Variants in DACH1 observed in about 807,000 individuals in gnomAD.
DACH1 encodes dachshund family transcription factor 1, also known as dachshund homolog 1.
In DACH1, 12 loss-of-function variants were observed where a neutral mutation model predicts 54.2. That is an observed-to-expected ratio of 0.22 (90% CI 0.14 to 0.36). The LOEUF (loss-of-function observed/expected upper bound fraction) is 0.36, where lower values mean the gene tolerates loss of function less well. DACH1 is among the 10% of genes least tolerant of loss of function. DACH1 has a pLI of 1.00. For missense variants in DACH1, 805 were observed against 929.8 expected, an observed-to-expected ratio of 0.87 and a Z score of 1.75; for synonymous variants, 386 against 366.2, an observed-to-expected ratio of 1.05 and a Z score of -0.62.
chr13:71,774,379 C>A (rs916972718), intron 1 of DACH1, among the ~76,000 whole-genome samples: 7 of 152,056 alleles, frequency 4.6e-5, no homozygotes, highest in Non-Finnish European at 1.0e-4. Flanking sequence ...ATAGACTGGA[C>A]AACATAACAT....
intron 7 of DACH1, among the ~76,000 whole-genome samples, chr13:71,481,255 A>G (rs566277997): frequency 4.6e-5 from 7 of 152,324 alleles, no homozygotes; most frequent in Non-Finnish European, 5.9e-5. Context: ...GCACCACTTA[A>G]TGTGTTGATT....
chr13:71,700,825 T>G (rs1882100732), intron 1 of DACH1, among the ~76,000 whole-genome samples: 1 of 152,210 alleles, frequency 6.6e-6, no homozygotes, highest in Non-Finnish European at 1.5e-5. Context: ...AGTTGATGTT[T>G]CCAAACTTTC....
intron 1 of DACH1, among the ~76,000 whole-genome samples, chr13:71,825,814 T>C (rs1888355969): frequency 1.3e-5 from 2 of 152,088 alleles, no homozygotes; most frequent in African/African-American, 4.8e-5. Context: ...TGTTTCTGAT[T>C]GACACCTAAA....
chr13:71,734,029 G>A (rs1273936709), intron 1 of DACH1, among the ~76,000 whole-genome samples: 3 of 151,484 alleles, frequency 2.0e-5, no homozygotes, highest in Admixed American at 6.6e-5. Context: ...AGCCTGAGTG[G>A]CAGAGCAACA....
intron 1 of DACH1, among the ~76,000 whole-genome samples, chr13:71,817,658 T>C (rs1045748357): frequency 3.3e-5 from 5 of 152,114 alleles, no homozygotes; most frequent in African/African-American, 1.2e-4. Flanking sequence ...AAGTAAAACA[T>C]CTCATTGAAT....
intron 3 of DACH1, among the ~76,000 whole-genome samples, chr13:71,601,994 A>G (rs1272383991): frequency 6.6e-6 from 1 of 151,996 alleles, no homozygotes; most frequent in Non-Finnish European, 1.5e-5. Flanking sequence ...TAAACATTCA[A>G]TAGTATGCAT....
At chr13:71,750,790 A>C (rs757141302) in intron 1 of DACH1, among the ~76,000 whole-genome samples, 2 of 152,204 alleles carry the variant, frequency 1.3e-5, no homozygotes, top group Non-Finnish European at 2.9e-5. Flanking sequence ...ATAAGAAAAC[A>C]GCAATATGTA....
chr13:71,845,586 G>T (rs1873184218), intron 1 of DACH1, among the ~76,000 whole-genome samples: 1 of 151,986 alleles, frequency 6.6e-6, no homozygotes, highest in South Asian at 2.1e-4. Flanking sequence ...AAACTGGAAA[G>T]AAACTTTATT....
chr13:71,789,290 C>T (rs1886735313), intron 1 of DACH1, among the ~76,000 whole-genome samples: 1 of 152,024 alleles, frequency 6.6e-6, no homozygotes, highest in South Asian at 2.1e-4. Flanking sequence ...ATTAAACTGT[C>T]AATCACAGCT....
intron 1 of DACH1, among the ~76,000 whole-genome samples, chr13:71,847,352 T>C (rs1295850286): frequency 6.6e-6 from 1 of 152,306 alleles, no homozygotes; most frequent in East Asian, 1.9e-4. Context: ...TTCAATAATA[T>C]GCAAACAAAA....
chr13:71,743,065 T>C (rs1347555064), intron 1 of DACH1, among the ~76,000 whole-genome samples: 1 of 152,100 alleles, frequency 6.6e-6, no homozygotes, highest in African/African-American at 2.4e-5. Context: ...ATGATGGACA[T>C]AGTAGAATGA....
At position 71,691,380 on chromosome 13, in the gene DACH1, C is replaced by T. The variant is rs1280228252; in HGVS notation, c.849-9470G>A. ...GTGCTAAATTCACTATGTGATCTAACTCTTTTAATACTTTGACAAACTTTT... is the reference window on the plus strand; with the variant it reads ...GTGCTAAATTCACTATGTGATCTAATTCTTTTAATACTTTGACAAACTTTT... On this transcript the variant is annotated intron_variant, in intron 1 of 10. Transcript: ENST00000613252. Among the ~76,000 whole-genome samples, 55 of 152,150 alleles carry T rather than the reference C, an allele frequency of 3.6e-4. 1 individual carries two copies. The highest frequency in any genetic ancestry group is 3.5e-3 in the Admixed American group (54 of 15,268).
chr13:71,556,637 T>C (rs9599856), intron 6 of DACH1, among the ~76,000 whole-genome samples: 4,013 of 152,256 alleles, frequency 0.026, 63 homozygotes, highest in Middle Eastern at 0.054. Context: ...AAACTGTTTT[T>C]TTAATTCAAA....
chr13:71,789,255 G>A (rs1886734302), intron 1 of DACH1, among the ~76,000 whole-genome samples: 1 of 152,084 alleles, frequency 6.6e-6, no homozygotes, highest in Non-Finnish European at 1.5e-5. Flanking sequence ...GATTTAATAT[G>A]AAAACTGGCA....
At chr13:71,813,940 C>T (rs575261618) in intron 1 of DACH1, among the ~76,000 whole-genome samples, 1 of 152,178 alleles carries the variant, frequency 6.6e-6, no homozygotes, top group South Asian at 2.1e-4. Flanking sequence ...TAAATGGTGA[C>T]GTTAAGCCCT....
rs937933805 is a variant in DACH1, at chr13:71,588,340, C to A, written c.1127-15328G>T. Among the ~76,000 whole-genome samples the A allele has an allele frequency of 7.9e-5, 12 of 152,178 alleles. No individual in the cohort carries two copies. In the East Asian group the frequency reaches 2.3e-3, roughly 29 times the overall value. ...AAAAAGTCCAGGAATTCTGTTCACA[C>A]AACTTCTCTACTTTAGTTTGTACAA... On this transcript the variant is annotated intron_variant, in intron 3 of 10. Transcript: ENST00000613252.
At chr13:71,648,585 T>C (rs899419259) in intron 2 of DACH1, among the ~76,000 whole-genome samples, 7 of 152,202 alleles carry the variant, frequency 4.6e-5, no homozygotes, top group Admixed American at 2.6e-4. Flanking sequence ...GCATATGGTA[T>C]AGGACAAAGA....
rs536481134 is a variant in DACH1, at chr13:71,563,230, C to T, written c.1300-3275G>A. Among the ~76,000 whole-genome samples the T allele has an allele frequency of 3.3e-5, 5 of 152,080 alleles. No individual in the cohort carries two copies. In the East Asian group the frequency reaches 7.7e-4, roughly 23 times the overall value. On this transcript the variant is annotated intron_variant, in intron 4 of 10. Coordinates refer to ENST00000613252, the MANE Select transcript of DACH1 (RefSeq NM_080759.6). The stretch of plus-strand genomic sequence containing the variant: ...ATTCTATTTTATTCCAAAGTTCACT[C>T]ACATCAATGCTTATCTATCAATAAA...
At chr13:71,723,148 T>C (rs1883304406) in intron 1 of DACH1, among the ~76,000 whole-genome samples, 1 of 151,684 alleles carries the variant, frequency 6.6e-6, no homozygotes, top group Non-Finnish European at 1.5e-5. Flanking sequence ...GTACCTGTAA[T>C]CCTAGCACTT....
Sources: gnomAD v4.1 joint callset for allele counts (sites outside exome capture counted in the v4.1 genomes callset) on GRCh38, gnomAD v4.1.1 for gene constraint, MANE v1.5 for transcripts, NCBI Gene and HGNC (gene_info 2026-07-23, HGNC 2026-07-21) for gene names.